RNF10: variants seen among roughly 807,000 people sequenced by gnomAD.
The protein encoded by RNF10 is ring finger protein 10.
Under a neutral mutation model 91.4 loss-of-function variants are expected in RNF10, and 38 were observed. The ratio of observed to expected loss-of-function variants is 0.42; its 90% confidence interval spans 0.32 to 0.54. The LOEUF (loss-of-function observed/expected upper bound fraction) is 0.54, where lower values mean the gene tolerates loss of function less well. RNF10 is among the 20% of genes least tolerant of loss of function. RNF10 has a pLI of 0.16. For missense variants in RNF10, 945 were observed against 1,012.0 expected, an observed-to-expected ratio of 0.93 and a Z score of 0.90; for synonymous variants, 364 against 366.3, an observed-to-expected ratio of 0.99 and a Z score of 0.07.
chr12:120,557,696 A>AT lies in RNF10; in HGVS notation c.967+18dup. The AT allele has an allele frequency of 6.2e-7, 1 of 1,613,974 alleles. No individual in the cohort carries two copies. Among genetic ancestry groups the AT allele is most frequent in the Non-Finnish European group, 8.5e-7 (1 of 1,179,878 alleles). On this transcript the variant is annotated intron_variant, in intron 6 of 16. Transcript: ENST00000325954. ...TTCATCTAGGAGGTGAGTTCTTTAAATTTTGGGGACAAATAATCCTGGGTA... is the reference window on the plus strand; with the variant it reads ...TTCATCTAGGAGGTGAGTTCTTTAAATTTTTGGGGACAAATAATCCTGGGTA...
intron 2 of RNF10, among the ~76,000 whole-genome samples, chr12:120,548,783 C>T (rs191606987): frequency 2.6e-5 from 4 of 151,764 alleles, no homozygotes; most frequent in African/African-American, 9.7e-5. Flanking sequence ...CTCAGTCTCC[C>T]GAGTAGCTGG....
rs375742604 is a variant in RNF10, at chr12:120,562,530, T to C, written c.1129-415T>C. On this transcript the variant is annotated intron_variant, in intron 7 of 16. Coordinates refer to ENST00000325954, the MANE Select transcript of RNF10 (RefSeq NM_014868.5). ...CTCAGGTGATCCGCCCACCTCAGTC[T>C]CCCAAAGTGCTGGGATTACAGGCAT... Among the ~76,000 whole-genome samples the C allele has an allele frequency of 6.4e-4, 97 of 152,222 alleles. 4 individuals are homozygous for C. The South Asian group carries it at 0.019, about 30-fold the overall frequency.
At chr12:120,553,020 T>TTA (rs1427450176) in intron 3 of RNF10, among the ~76,000 whole-genome samples, 2 of 147,568 alleles carry the variant, frequency 1.4e-5, no homozygotes, top group South Asian at 2.1e-4. Context: ...AGCCTCTCCT[T>TTA]TATAAGGAAG....
chr12:120,563,583 C>T lies in RNF10; in HGVS notation c.1491C>T (p.Phe497=), dbSNP rs768394534. 5.0e-6 allele frequency: 8 copies of T among 1,612,280 alleles called. No homozygotes were observed. The South Asian group carries it at 6.6e-5, about 13-fold the overall frequency. The part of the protein sequence containing the change: ...SQQEPITKSG[F]TRLSSSPCYY... The stretch of plus-strand genomic sequence containing the variant: ...AGGAACCCATCACCAAGTCAGGCTT[C>T]ACACGCCTCAGCAGCTCTCCTTGTT... Residue 497 remains phenylalanine (F), a synonymous_variant, in exon 9 of 17, where the codon TTC becomes TTT. Transcript: ENST00000325954.
intron 4 of RNF10, 68 bp downstream of exon 4, chr12:120,554,876 G>A: frequency 8.0e-7 from 1 of 1,244,984 alleles, no homozygotes; most frequent in Non-Finnish European, 1.2e-6. Flanking sequence ...TGGTGACGCA[G>A]CAGCTGTTGG....
At chr12:120,574,445 T>C (rs1347595318) in intron 14 of RNF10, 1 of 455,968 alleles carries the variant, frequency 2.2e-6, no homozygotes, top group East Asian at 6.9e-5. Flanking sequence ...ATGAGGATTG[T>C]TCTGATTTTA....
At chr12:120,556,410 A>C (rs943936133) in intron 4 of RNF10, among the ~76,000 whole-genome samples, 3 of 150,882 alleles carry the variant, frequency 2.0e-5, no homozygotes, top group African/African-American at 7.3e-5. Context: ...GGGTACCTGT[A>C]GTCACAGCTA....
intron 2 of RNF10, among the ~76,000 whole-genome samples, chr12:120,547,449 C>T (rs1444718641): frequency 1.3e-5 from 2 of 152,134 alleles, no homozygotes; most frequent in African/African-American, 4.8e-5. Flanking sequence ...GCCACCATGC[C>T]TGGCTAATTT....
chr12:120,554,739 A>T lies in RNF10; in HGVS notation c.576A>T (p.Glu192Asp). The change falls in exon 4 of 17, where the codon GAA (glutamate) becomes GAT (aspartate). Residue 192 changes from glutamate (E) to aspartate (D), a missense_variant. Transcript: ENST00000325954. ...LQANCQFVVS[E>D]DQDYTAHFAD... Reference sequence around the variant, plus strand: ...CTAGCTGCCAATTTGTGGTGTCTGAAGACCAAGACTACACAGCTCATTTTG... The same window carrying T: ...CTAGCTGCCAATTTGTGGTGTCTGATGACCAAGACTACACAGCTCATTTTG... 1 of 1,613,926 alleles carries T rather than the reference A, an allele frequency of 6.2e-7. No individual in the cohort carries two copies. The highest frequency in any genetic ancestry group is 1.3e-5 in the African/African-American group (1 of 74,998).
intron 2 of RNF10, among the ~76,000 whole-genome samples, chr12:120,547,915 A>G (rs954649571): frequency 6.6e-6 from 1 of 152,224 alleles, no homozygotes; most frequent in African/African-American, 2.4e-5. Context: ...GGTGAGAGTG[A>G]TGGAAGCTTT....
chr12:120,543,444 G>A (rs1264768336), intron 1 of RNF10, among the ~76,000 whole-genome samples: 2 of 152,074 alleles, frequency 1.3e-5, no homozygotes, highest in South Asian at 2.1e-4. Flanking sequence ...CTGGAGGATC[G>A]CCTGAGCCCA....
chr12:120,535,051 C>T, intron 1 of RNF10, 83 bp downstream of exon 1: 1 of 1,405,854 alleles, frequency 7.1e-7, no homozygotes, highest in Admixed American at 2.8e-5. Context: ...CTGGGTTACT[C>T]GGGGACAGGC....
Position 120,576,701 on chromosome 12 carries a change from TTTG to T in RNF10, c.*38_*40del, listed in dbSNP as rs548333200. 8.1e-5 allele frequency: 128 copies of T among 1,589,060 alleles called. 4 individuals are homozygous for T. In the South Asian group the frequency reaches 1.4e-3, roughly 17 times the overall value. The stretch of plus-strand genomic sequence containing the variant: ...CCCAGGCTACCTTCTCCATCTGGTT[TTTG>T]TTTTTGTTTTTTTTTCCCCCATGCT... On this transcript the variant is annotated 3_prime_UTR_variant, in exon 17 of 17. Coordinates refer to ENST00000325954, the MANE Select transcript of RNF10 (RefSeq NM_014868.5).
chr12:120,547,047 T>C (rs538400087), intron 2 of RNF10, among the ~76,000 whole-genome samples: 1 of 152,336 alleles, frequency 6.6e-6, no homozygotes, highest in Non-Finnish European at 1.5e-5. Context: ...GGGTATTCAC[T>C]GCTTTGTTTG....
chr12:120,565,900 A>G (rs1565966926), intron 12 of RNF10, among the ~76,000 whole-genome samples: 1 of 152,242 alleles, frequency 6.6e-6, no homozygotes, highest in Non-Finnish European at 1.5e-5. Flanking sequence ...CAAGTCTGCC[A>G]GGTGGGTCTG....
At chr12:120,547,474 T>A (rs545550903) in intron 2 of RNF10, among the ~76,000 whole-genome samples, 15 of 152,232 alleles carry the variant, frequency 9.9e-5, no homozygotes, top group Admixed American at 9.2e-4. Context: ...CTTTTTCTTT[T>A]TTAGAGAGTG....
Position 120,558,495 on chromosome 12 carries a change from C to T in RNF10, c.967+813C>T, listed in dbSNP as rs1039614971. ...GATATGGGTGGATTTTTGAACCAGG[C>T]TGAAATGATAGATGCTGTAAAAGAC... On this transcript the variant is annotated intron_variant, in intron 6 of 16. Coordinates refer to ENST00000325954, the MANE Select transcript of RNF10 (RefSeq NM_014868.5). Among the ~76,000 whole-genome samples the T allele has an allele frequency of 2.7e-5, 4 of 150,708 alleles. No homozygotes were observed. In the South Asian group the frequency reaches 8.4e-4, roughly 32 times the overall value.
At position 120,557,302 on chromosome 12, in the gene RNF10, G is replaced by T. The variant is rs1478254340; in HGVS notation, c.666G>T (p.Val222=). Residue 222 remains valine (V), a synonymous_variant, in exon 5 of 17, where the codon GTG becomes GTT. Transcript: ENST00000325954. ...TTCAGCGCATTTGTAGCCATGAAGT[G>T]CCATCTTGCCCAATATGCCTCTATC... The part of the protein sequence containing the change: ...VEQVRICSHE[V]PSCPICLYPP... The T allele has an allele frequency of 6.2e-7, 1 of 1,614,050 alleles. No homozygotes were observed.
intron 14 of RNF10, among the ~76,000 whole-genome samples, chr12:120,572,900 CT>C (rs35567785): frequency 2.0e-3 from 198 of 100,612 alleles, no homozygotes; most frequent in East Asian, 7.1e-3. Flanking sequence ...TGCGCCTGGC[CT>C]TTTTTTTTTT....
Sources: gnomAD v4.1 joint callset for allele counts (sites outside exome capture counted in the v4.1 genomes callset) on GRCh38, gnomAD v4.1.1 for gene constraint, MANE v1.5 for transcripts, NCBI Gene and HGNC (gene_info 2026-07-23, HGNC 2026-07-21) for gene names.